Variants in HS3ST5 observed in about 807,000 individuals in gnomAD.
The protein encoded by HS3ST5 is heparan sulfate-glucosamine 3-sulfotransferase 5.
Under a neutral mutation model 25.4 loss-of-function variants are expected in HS3ST5, and 10 were observed. The observed-to-expected ratio is 0.39, with a 90% CI of 0.24 to 0.67. The LOEUF (loss-of-function observed/expected upper bound fraction) is 0.67. Ranked by LOEUF, HS3ST5 falls within the 30% of genes least tolerant of loss-of-function variation. HS3ST5 has a pLI of 0.44. For missense variants in HS3ST5, 324 were observed against 420.7 expected (o/e 0.77, Z 2.01); for synonymous variants, 170 against 162.4 (o/e 1.05, Z -0.36).
chr6:114,280,914 A>G (rs1774078347), intron 1 of HS3ST5, among the ~76,000 whole-genome samples: 1 of 152,024 alleles, frequency 6.6e-6, no homozygotes, highest in Non-Finnish European at 1.5e-5. Flanking sequence ...CTTCACGTCA[A>G]TGGGTTTGTG....
chr6:114,180,257 T>C (rs953478500), intron 2 of HS3ST5, among the ~76,000 whole-genome samples: 6 of 152,154 alleles, frequency 3.9e-5, no homozygotes, highest in African/African-American at 1.4e-4. Flanking sequence ...GGGGATCCTA[T>C]ACTGCACATA....
intron 1 of HS3ST5, among the ~76,000 whole-genome samples, chr6:114,267,989 A>G (rs1773480975): frequency 6.6e-6 from 1 of 152,224 alleles, no homozygotes; most frequent in South Asian, 2.1e-4. Flanking sequence ...CCCTGTGTAC[A>G]GATATGCATT....
chr6:114,335,320 A>G (rs1776564711), intron 1 of HS3ST5, among the ~76,000 whole-genome samples: 1 of 152,156 alleles, frequency 6.6e-6, no homozygotes, highest in African/African-American at 2.4e-5. Context: ...AAAAAAAAAA[A>G]AAATCTAAGA....
intron 1 of HS3ST5, among the ~76,000 whole-genome samples, chr6:114,336,744 T>TA (rs1776628038): frequency 6.6e-6 from 1 of 152,218 alleles, no homozygotes; most frequent in African/African-American, 2.4e-5. Flanking sequence ...CTATAGTACT[T>TA]ACACTCCAAT....
intron 3 of HS3ST5, among the ~76,000 whole-genome samples, chr6:114,136,313 A>C (rs377101504): frequency 3.9e-5 from 6 of 152,238 alleles, no homozygotes; most frequent in South Asian, 4.2e-4. Context: ...AATAAGTCTC[A>C]TGAGATCTAA....
intron 1 of HS3ST5, among the ~76,000 whole-genome samples, chr6:114,323,061 C>T (rs555773477): frequency 7.9e-5 from 12 of 152,230 alleles, no homozygotes; most frequent in African/African-American, 2.6e-4. Flanking sequence ...GAGTTTCCAA[C>T]TTGCAATACA....
intron 3 of HS3ST5, among the ~76,000 whole-genome samples, chr6:114,163,914 T>C (rs181825362): frequency 1.3e-5 from 2 of 152,268 alleles, no homozygotes; most frequent in East Asian, 3.9e-4. Context: ...ACTAATCTAC[T>C]TATGAACCTA....
chr6:114,292,934 TTTG>T (rs1774645455), intron 1 of HS3ST5, among the ~76,000 whole-genome samples: 1 of 151,854 alleles, frequency 6.6e-6, no homozygotes, highest in Non-Finnish European at 1.5e-5. Context: ...ATTGCTATTT[TTTG>T]TTTTTTTTTT....
At chr6:114,182,869 T>G (rs1052874722) in intron 2 of HS3ST5, among the ~76,000 whole-genome samples, 1 of 152,182 alleles carries the variant, frequency 6.6e-6, no homozygotes, top group African/African-American at 2.4e-5. Context: ...GTGAACTCAG[T>G]AAAACGGATG....
intron 3 of HS3ST5, among the ~76,000 whole-genome samples, chr6:114,121,583 T>C (rs1177989234): frequency 6.6e-6 from 1 of 152,164 alleles, no homozygotes; most frequent in Non-Finnish European, 1.5e-5. Flanking sequence ...ATTTTCTTTT[T>C]ATAAAAAATA....
At chr6:114,096,629 G>C (rs1775441251) in intron 3 of HS3ST5, among the ~76,000 whole-genome samples, 1 of 152,042 alleles carries the variant, frequency 6.6e-6, no homozygotes, top group Non-Finnish European at 1.5e-5. Flanking sequence ...AGTCAACTTG[G>C]GTTTAAAAAT....
chr6:114,317,941 C>T (rs1357641158), intron 1 of HS3ST5, among the ~76,000 whole-genome samples: 1 of 152,120 alleles, frequency 6.6e-6, no homozygotes, highest in Non-Finnish European at 1.5e-5. Flanking sequence ...TCCTTAACAT[C>T]ACTGTTAATT....
intron 3 of HS3ST5, among the ~76,000 whole-genome samples, chr6:114,164,497 A>C (rs1017761161): frequency 1.3e-5 from 2 of 152,218 alleles, no homozygotes; most frequent in African/African-American, 4.8e-5. Flanking sequence ...GCAATTGATC[A>C]TAGATTCTCC....
At chr6:114,070,970 C>G (rs942149574) in intron 3 of HS3ST5, among the ~76,000 whole-genome samples, 1 of 152,174 alleles carries the variant, frequency 6.6e-6, no homozygotes, top group African/African-American at 2.4e-5. Context: ...AGTAATCTTT[C>G]CCAGTGGAAA....
chr6:114,217,094 C>T (rs1582726268), intron 2 of HS3ST5, among the ~76,000 whole-genome samples: 1 of 152,180 alleles, frequency 6.6e-6, no homozygotes. Context: ...CCACATTCTC[C>T]ATTTACTAAC....
intron 1 of HS3ST5, among the ~76,000 whole-genome samples, chr6:114,301,439 TCAATCCTGAA>T (rs778598589): frequency 5.9e-5 from 9 of 152,094 alleles, no homozygotes; most frequent in Non-Finnish European, 1.2e-4. Context: ...CTCACCTGAG[TCAATCCTGAA>T]CAAGGCATAT....
At chr6:114,327,684 T>C (rs940214151) in intron 1 of HS3ST5, among the ~76,000 whole-genome samples, 1 of 152,150 alleles carries the variant, frequency 6.6e-6, no homozygotes, top group Non-Finnish European at 1.5e-5. Flanking sequence ...ACTTTTAGAC[T>C]ACCAGTAAAT....
intron 2 of HS3ST5, among the ~76,000 whole-genome samples, chr6:114,226,617 A>G (rs530087784): frequency 8.3e-4 from 126 of 152,082 alleles, no homozygotes; most frequent in African/African-American, 2.8e-3. Flanking sequence ...GACAGACTAG[A>G]AGATCAAAAT....
At chr6:114,094,922 A>G (rs1243388387) in intron 3 of HS3ST5, among the ~76,000 whole-genome samples, 1 of 152,158 alleles carries the variant, frequency 6.6e-6, no homozygotes, top group East Asian at 1.9e-4. Context: ...GGAAGCTGTC[A>G]TGAACCTTCA....
Sources: gnomAD v4.1 joint callset for allele counts (sites outside exome capture counted in the v4.1 genomes callset) on GRCh38, gnomAD v4.1.1 for gene constraint, MANE v1.5 for transcripts, NCBI Gene and HGNC (gene_info 2026-07-23, HGNC 2026-07-21) for gene names.